The following AUTS2 variants were observed in gnomAD, a reference collection of about 807,000 sequenced individuals.
AUTS2 encodes the protein autism susceptibility gene 2 protein.
Under a neutral mutation model 112.4 loss-of-function variants are expected in AUTS2, and 17 were observed. The ratio of observed to expected loss-of-function variants is 0.15; its 90% CI spans 0.10 to 0.23. AUTS2 has a LOEUF of 0.23. Among genes scored for constraint, AUTS2 ranks in the 10% least tolerant of loss-of-function variants. AUTS2 has a pLI of 1.00. For missense variants in AUTS2, 1,510 were observed against 1,701.6 expected, an observed-to-expected ratio of 0.89 and a Z score of 1.98; for synonymous variants, 751 against 702.7, an observed-to-expected ratio of 1.07 and a Z score of -1.09.
intron 4 of AUTS2, among the ~76,000 whole-genome samples, chr7:70,205,654 A>G (rs946706566): frequency 6.6e-6 from 1 of 152,196 alleles, no homozygotes; most frequent in African/African-American, 2.4e-5. Flanking sequence ...TGTACAATCT[A>G]GGTTTTTGTA....
chr7:70,555,806 C>CTTT (rs35481779), intron 5 of AUTS2, among the ~76,000 whole-genome samples: 3 of 142,032 alleles, frequency 2.1e-5, no homozygotes, highest in Admixed American at 7.1e-5. Flanking sequence ...CCTCAGGAAG[C>CTTT]TTTTTTTTTT....
At chr7:69,630,981 C>T (rs745686852) in intron 1 of AUTS2, among the ~76,000 whole-genome samples, 1 of 151,752 alleles carries the variant, frequency 6.6e-6, no homozygotes, top group Non-Finnish European at 1.5e-5. Flanking sequence ...CATTTATCCA[C>T]GTCTTGAGTA....
intron 1 of AUTS2, among the ~76,000 whole-genome samples, chr7:69,732,844 T>G (rs1467697300): frequency 2.0e-5 from 3 of 152,232 alleles, no homozygotes; most frequent in Non-Finnish European, 4.4e-5. Flanking sequence ...AAATTTCTTC[T>G]TCCTGGCACA....
At chr7:70,099,581 C>T (rs2129569142) in intron 2 of AUTS2, among the ~76,000 whole-genome samples, 2 of 151,770 alleles carry the variant, frequency 1.3e-5, no homozygotes, top group South Asian at 2.1e-4. Flanking sequence ...GTTTCTGGGA[C>T]ATAGGAAATA....
chr7:70,377,102 C>G (rs1363312454), intron 4 of AUTS2, among the ~76,000 whole-genome samples: 1 of 151,534 alleles, frequency 6.6e-6, no homozygotes, highest in East Asian at 1.9e-4. Context: ...ACTGTGTTTT[C>G]TAACTCCCTA....
intron 5 of AUTS2, among the ~76,000 whole-genome samples, chr7:70,541,909 T>G (rs1800568023): frequency 6.6e-6 from 1 of 152,210 alleles, no homozygotes; most frequent in African/African-American, 2.4e-5. Flanking sequence ...AAGCACGGTG[T>G]CTTCAACAGC....
At position 70,594,719 on chromosome 7, in the gene AUTS2, G is replaced by A. The variant is rs73706113; in HGVS notation, c.691-103850G>A. 8.1e-3 allele frequency among the ~76,000 whole-genome samples: 1,227 copies of A among 152,292 alleles called. 16 individuals are homozygous for A. Among genetic ancestry groups the A allele is most frequent in the African/African-American group, 0.028 (1,157 of 41,564 alleles). On this transcript the variant is annotated intron_variant, in intron 5 of 18. Transcript: ENST00000342771. ...TTGCAAAGGCCAGAATAGACTCAGC[G>A]AGAGTGGGAGATGGGGGTGAGTGAG... is the stretch of plus-strand genomic sequence containing the variant.
At chr7:70,239,472 T>C (rs1370023969) in intron 4 of AUTS2, among the ~76,000 whole-genome samples, 2 of 152,120 alleles carry the variant, frequency 1.3e-5, no homozygotes, top group East Asian at 3.9e-4. Context: ...TTTCCCTCTT[T>C]TTGCCCAGGC....
Position 70,791,014 on chromosome 7 carries a change from G to C in AUTS2, c.*18G>C. ...CCCGATAAGCCGAGAACAGGAGCAAGAACGAGGAAGAAGAAACCCTAGGCA... is the reference window on the plus strand; with the variant it reads ...CCCGATAAGCCGAGAACAGGAGCAACAACGAGGAAGAAGAAACCCTAGGCA... On this transcript the variant is annotated 3_prime_UTR_variant, in exon 19 of 19. Coordinates refer to ENST00000342771, the MANE Select transcript of AUTS2 (RefSeq NM_015570.4). The C allele has an allele frequency of 6.8e-7, 1 of 1,477,512 alleles. No homozygotes were observed. Among genetic ancestry groups the C allele is most frequent in the Non-Finnish European group, 9.0e-7 (1 of 1,117,224 alleles). 91.5% of individuals were successfully genotyped at this position (1,477,512 alleles called of 1,614,324 possible).
chr7:70,080,494 T>C (rs563356370), intron 2 of AUTS2, among the ~76,000 whole-genome samples: 1 of 152,336 alleles, frequency 6.6e-6, no homozygotes, highest in South Asian at 2.1e-4. Flanking sequence ...ATGTTAATTT[T>C]CCCATTTGGT....
At chr7:70,237,939 T>C (rs1812411777) in intron 4 of AUTS2, among the ~76,000 whole-genome samples, 1 of 152,224 alleles carries the variant, frequency 6.6e-6, no homozygotes, top group East Asian at 1.9e-4. Flanking sequence ...ACTTAGTAAC[T>C]TGATTTTTCC....
At position 70,258,777 on chromosome 7, in the gene AUTS2, A is replaced by T. The variant is rs949516527; in HGVS notation, c.660+124206A>T. 2.2e-4 allele frequency among the ~76,000 whole-genome samples: 33 copies of T among 152,196 alleles called. 1 individual carries two copies. The highest frequency in any genetic ancestry group is 7.3e-5 in the Non-Finnish European group (5 of 68,028). Reference sequence around the variant, plus strand: ...GTGGACAAGGTAAACTTCAAAAGTGACTAGAAACCCTTGTGGAATCTAAGA... The same window carrying T: ...GTGGACAAGGTAAACTTCAAAAGTGTCTAGAAACCCTTGTGGAATCTAAGA... On this transcript the variant is annotated intron_variant, in intron 4 of 18. Transcript: ENST00000342771.
At chr7:70,348,672 A>T (rs1039643256) in intron 4 of AUTS2, among the ~76,000 whole-genome samples, 1 of 152,054 alleles carries the variant, frequency 6.6e-6, no homozygotes. Flanking sequence ...TAGCCAGGCG[A>T]GGTGGCGGGC....
chr7:70,401,004 C>T (rs924381623), intron 4 of AUTS2, among the ~76,000 whole-genome samples: 4 of 152,072 alleles, frequency 2.6e-5, no homozygotes, highest in East Asian at 1.9e-4. Flanking sequence ...ACAACAATCC[C>T]GGCAGGAGAT....
At chr7:70,472,368 G>GTT (rs1562976083) in intron 5 of AUTS2, among the ~76,000 whole-genome samples, 32 of 118,188 alleles carry the variant, frequency 2.7e-4, no homozygotes, top group South Asian at 7.4e-4. Flanking sequence ...TTTGGGGTGG[G>GTT]GTTTTTTTTT....
At chr7:70,047,603 G>A (rs1801564769) in intron 2 of AUTS2, among the ~76,000 whole-genome samples, 2 of 152,184 alleles carry the variant, frequency 1.3e-5, no homozygotes, top group Admixed American at 1.3e-4. Flanking sequence ...GGCTTTGACA[G>A]CAGGGAGTGA....
At chr7:70,486,469 G>A (rs1386129679) in intron 5 of AUTS2, among the ~76,000 whole-genome samples, 1 of 152,238 alleles carries the variant, frequency 6.6e-6, no homozygotes, top group Non-Finnish European at 1.5e-5. Context: ...AGGCACGGTG[G>A]CTCACGCCTG....
chr7:69,714,064 A>AT lies in AUTS2; in HGVS notation c.309+114114dup, dbSNP rs570065998. Among the ~76,000 whole-genome samples the AT allele has an allele frequency of 1.4e-3, 206 of 145,396 alleles. 1 individual carries two copies. Among genetic ancestry groups the AT allele is most frequent in the South Asian group, 0.01 (47 of 4,562 alleles). The stretch of plus-strand genomic sequence containing the variant: ...GAATTAATTTTTGTATATGGATTGA[A>AT]TTTTTTTTTTTTGAGATGGGGTTTT... On this transcript the variant is annotated intron_variant, in intron 1 of 18. Coordinates refer to ENST00000342771, the MANE Select transcript of AUTS2 (RefSeq NM_015570.4).
chr7:70,535,234 A>G (rs936985769), intron 5 of AUTS2, among the ~76,000 whole-genome samples: 5 of 152,106 alleles, frequency 3.3e-5, no homozygotes, highest in African/African-American at 9.7e-5. Context: ...TGAATTAATG[A>G]ATGAAAGGCA....
Sources: gnomAD v4.1 joint callset for allele counts (sites outside exome capture counted in the v4.1 genomes callset) on GRCh38, gnomAD v4.1.1 for gene constraint, MANE v1.5 for transcripts, NCBI Gene and HGNC (gene_info 2026-07-23, HGNC 2026-07-21) for gene names.